Variants in SLC4A10 observed in about 807,000 individuals in gnomAD.
SLC4A10 encodes the protein sodium-driven chloride bicarbonate exchanger.
Under a neutral mutation model 137.7 loss-of-function variants are expected in SLC4A10, and 42 were observed. That is an observed-to-expected ratio of 0.30 (90% CI 0.24 to 0.39). The LOEUF (loss-of-function observed/expected upper bound fraction) is 0.39. Among genes scored for constraint, SLC4A10 ranks in the 10% least tolerant of loss-of-function variants. The pLI is 1.00. For synonymous variants in SLC4A10, 474 were observed against 464.1 expected, an observed-to-expected ratio of 1.02 and a Z score of -0.27; for missense variants, 925 against 1,355.0, an observed-to-expected ratio of 0.68 and a Z score of 4.98.
At chr2:161,929,986 T>G (rs1166503294) in intron 15 of SLC4A10, among the ~76,000 whole-genome samples, 1 of 152,184 alleles carries the variant, frequency 6.6e-6, no homozygotes, top group East Asian at 1.9e-4. Flanking sequence ...GGACACTATA[T>G]AAATCTTTTA....
At chr2:161,867,784 A>G (rs973291204) in intron 6 of SLC4A10, among the ~76,000 whole-genome samples, 1 of 151,906 alleles carries the variant, frequency 6.6e-6, no homozygotes, top group African/African-American at 2.4e-5. Flanking sequence ...TTCTATTCCC[A>G]TGAATAAATG....
chr2:161,700,137 G>A (rs1219682429), intron 1 of SLC4A10, among the ~76,000 whole-genome samples: 1 of 152,180 alleles, frequency 6.6e-6, no homozygotes, highest in East Asian at 1.9e-4. Flanking sequence ...TTTAGGTAGA[G>A]TAACTGACAA....
At chr2:161,690,054 G>C (rs2041826634) in intron 1 of SLC4A10, among the ~76,000 whole-genome samples, 1 of 152,078 alleles carries the variant, frequency 6.6e-6, no homozygotes, top group African/African-American at 2.4e-5. Context: ...CTATTCATCT[G>C]ACAAAGGTCT....
At chr2:161,652,121 C>T (rs2036884485) in intron 1 of SLC4A10, among the ~76,000 whole-genome samples, 1 of 152,170 alleles carries the variant, frequency 6.6e-6, no homozygotes, top group South Asian at 2.1e-4. Flanking sequence ...CTCATTAAGT[C>T]CAGCCCATAC....
At chr2:161,839,058 C>A (rs893506390) in intron 3 of SLC4A10, among the ~76,000 whole-genome samples, 1 of 152,220 alleles carries the variant, frequency 6.6e-6, no homozygotes, top group Non-Finnish European at 1.5e-5. Flanking sequence ...ACTAGAAACC[C>A]AAATGTCCTC....
rs545021598 is a variant in SLC4A10, at chr2:161,977,703, A to G, written c.3345-19A>G. On this transcript the variant is annotated intron_variant, in intron 25 of 26. Coordinates refer to ENST00000446997, the MANE Select transcript of SLC4A10 (RefSeq NM_001178015.2). ...TTAACTTTTTCTACTTAATTTTTATATTACATTTTTGTCATAAGCTCCCCT... is the reference window on the plus strand; with the variant it reads ...TTAACTTTTTCTACTTAATTTTTATGTTACATTTTTGTCATAAGCTCCCCT... The G allele has an allele frequency of 5.5e-5, 87 of 1,594,340 alleles. No individual in the cohort carries two copies. The South Asian group carries it at 9.2e-4, about 17-fold the overall frequency.
chr2:161,926,557 C>T (rs1689167838), intron 15 of SLC4A10, among the ~76,000 whole-genome samples: 1 of 148,988 alleles, frequency 6.7e-6, no homozygotes. Flanking sequence ...AGCCCATTTA[C>T]CTTTAAGGTT....
intron 12 of SLC4A10, among the ~76,000 whole-genome samples, chr2:161,902,783 T>TA (rs1257309785): frequency 3.3e-5 from 5 of 152,194 alleles, no homozygotes; most frequent in Admixed American, 3.3e-4. Context: ...TGTACATCTT[T>TA]TATTTCAAAT....
chr2:161,967,370 G>A (rs1053546463), intron 23 of SLC4A10, among the ~76,000 whole-genome samples: 4 of 152,088 alleles, frequency 2.6e-5, no homozygotes, highest in Non-Finnish European at 5.9e-5. Context: ...ACCTTGAACT[G>A]GAATAAGTGG....
chr2:161,956,804 G>C (rs1235695784), intron 19 of SLC4A10, among the ~76,000 whole-genome samples, 185 bp from the exon 20 acceptor site: 1 of 152,110 alleles, frequency 6.6e-6, no homozygotes, highest in Non-Finnish European at 1.5e-5. Flanking sequence ...TTTTCTAATA[G>C]AAGTCACCCA....
chr2:161,649,231 T>C lies in SLC4A10; in HGVS notation c.48+24665T>C, dbSNP rs576636683. On this transcript the variant is annotated intron_variant, in intron 1 of 26. Coordinates refer to ENST00000446997, the MANE Select transcript of SLC4A10 (RefSeq NM_001178015.2). ...AAAAATACAGAAAATTAGCTGGGCATGTTCCTGTAGTCCCAGCTACTCGGA... is the reference window on the plus strand; with the variant it reads ...AAAAATACAGAAAATTAGCTGGGCACGTTCCTGTAGTCCCAGCTACTCGGA... 5.9e-5 allele frequency among the ~76,000 whole-genome samples: 9 copies of C among 152,290 alleles called. No homozygotes were observed. In the South Asian group the frequency reaches 1.9e-3, roughly 32 times the overall value.
At chr2:161,650,856 A>G (rs6432697) in intron 1 of SLC4A10, among the ~76,000 whole-genome samples, 132,521 of 152,122 alleles carry the variant, frequency 0.87, 58,346 homozygotes, top group East Asian at 1. Flanking sequence ...GTACCTCAGC[A>G]GGAACAGCCT....
At chr2:161,757,912 A>C (rs1207365992) in intron 1 of SLC4A10, among the ~76,000 whole-genome samples, 1 of 152,050 alleles carries the variant, frequency 6.6e-6, no homozygotes, top group African/African-American at 2.4e-5. Context: ...AGAATAAATA[A>C]TTTTTGGTCT....
At chr2:161,712,386 G>A (rs957020779) in intron 1 of SLC4A10, among the ~76,000 whole-genome samples, 1 of 151,238 alleles carries the variant, frequency 6.6e-6, no homozygotes, top group Non-Finnish European at 1.5e-5. Context: ...CTAAAATTAA[G>A]GGGTAAAAAA....
At chr2:161,633,073 C>A (rs1383873255) in intron 1 of SLC4A10, among the ~76,000 whole-genome samples, 1 of 151,466 alleles carries the variant, frequency 6.6e-6, no homozygotes, top group Non-Finnish European at 1.5e-5. Flanking sequence ...GGTGCAAAAT[C>A]TATGGACATT....
chr2:161,836,592 GAAA>G (rs1559359733), intron 3 of SLC4A10, among the ~76,000 whole-genome samples: 27 of 37,340 alleles, frequency 7.2e-4, no homozygotes, highest in Non-Finnish European at 9.2e-4. Flanking sequence ...AAGAAAGAAA[GAAA>G]GAAAGGAAGG....
At chr2:161,638,586 C>A (rs2034803487) in intron 1 of SLC4A10, among the ~76,000 whole-genome samples, 1 of 151,894 alleles carries the variant, frequency 6.6e-6, no homozygotes. Context: ...TCTTTTTGCT[C>A]AGATATCTTT....
chr2:161,826,020 T>C (rs2057998414), intron 3 of SLC4A10, among the ~76,000 whole-genome samples: 1 of 152,220 alleles, frequency 6.6e-6, no homozygotes, highest in Non-Finnish European at 1.5e-5. Context: ...TATTACCCTG[T>C]AATGAAATTA....
intron 3 of SLC4A10, among the ~76,000 whole-genome samples, chr2:161,818,709 G>T (rs2125678844): frequency 6.6e-6 from 1 of 152,242 alleles, no homozygotes; most frequent in East Asian, 1.9e-4. Context: ...TTTTGTCAAA[G>T]GCCTTTTCTG....
Sources: gnomAD v4.1 joint callset for allele counts (sites outside exome capture counted in the v4.1 genomes callset) on GRCh38, gnomAD v4.1.1 for gene constraint, MANE v1.5 for transcripts, NCBI Gene and HGNC (gene_info 2026-07-23, HGNC 2026-07-21) for gene names.